Variants in GHR observed in about 807,000 individuals in gnomAD.
The protein encoded by GHR is GH receptor.
Under a neutral mutation model 67.1 loss-of-function variants are expected in GHR, and 35 were observed. That is an observed-to-expected ratio of 0.52 (90% CI 0.40 to 0.69). GHR has a LOEUF of 0.69. GHR is among the 30% of genes least tolerant of loss of function. The pLI, the probability that GHR is intolerant of heterozygous loss-of-function variation, is 0.00. For synonymous variants in GHR, 272 were observed against 269.1 expected (o/e 1.01, Z -0.10); for missense variants, 792 against 764.6 (o/e 1.04, Z -0.42).
chr5:42,475,594 T>G (rs1745269407), intron 1 of GHR, among the ~76,000 whole-genome samples: 1 of 151,966 alleles, frequency 6.6e-6, no homozygotes, highest in African/African-American at 2.4e-5. Flanking sequence ...ATGTATTTTT[T>G]TTTTTTCTTA....
At chr5:42,468,877 C>A (rs1437000876) in intron 1 of GHR, 2 of 809,760 alleles carry the variant, frequency 2.5e-6, no homozygotes, top group South Asian at 2.1e-5. Context: ...GATGGTTGCT[C>A]GGCGGCACAT....
At chr5:42,506,152 T>C (rs750175886) in intron 1 of GHR, among the ~76,000 whole-genome samples, 3 of 152,208 alleles carry the variant, frequency 2.0e-5, no homozygotes, top group Non-Finnish European at 2.9e-5. Context: ...GATAACCTTG[T>C]CTTGTTTCCT....
At chr5:42,498,360 G>A (rs948425867) in intron 1 of GHR, among the ~76,000 whole-genome samples, 3 of 152,168 alleles carry the variant, frequency 2.0e-5, no homozygotes, top group Admixed American at 2.0e-4. Flanking sequence ...AAGGGAGAAA[G>A]GGATGATTTA....
intron 6 of GHR, among the ~76,000 whole-genome samples, chr5:42,704,844 G>T (rs1305421541): frequency 2.0e-5 from 3 of 151,712 alleles, no homozygotes; most frequent in African/African-American, 7.3e-5. Context: ...TATTTCTATG[G>T]TATTGGTTGT....
intron 2 of GHR, among the ~76,000 whole-genome samples, chr5:42,626,602 G>T (rs1451032177): frequency 6.6e-6 from 1 of 152,108 alleles, no homozygotes; most frequent in African/African-American, 2.4e-5. Flanking sequence ...GGGCTGAAGT[G>T]TCTCAACCTC....
chr5:42,684,770 G>T (rs555454843), intron 3 of GHR, among the ~76,000 whole-genome samples: 1 of 152,108 alleles, frequency 6.6e-6, no homozygotes, highest in East Asian at 1.9e-4. Context: ...CAATATGACC[G>T]TGGAATTTGA....
intron 1 of GHR, among the ~76,000 whole-genome samples, chr5:42,429,634 A>G (rs1743003634): frequency 6.6e-6 from 1 of 152,216 alleles, no homozygotes; most frequent in African/African-American, 2.4e-5. Flanking sequence ...ACATTTTTTC[A>G]TGCCTGAATG....
chr5:42,634,134 T>A (rs997785527), intron 3 of GHR, among the ~76,000 whole-genome samples: 1 of 152,120 alleles, frequency 6.6e-6, no homozygotes. Flanking sequence ...TTGTCTTTTT[T>A]TTTTCATCTC....
intron 2 of GHR, among the ~76,000 whole-genome samples, chr5:42,623,206 C>T (rs143665240): frequency 6.6e-6 from 1 of 152,198 alleles, no homozygotes; most frequent in African/African-American, 2.4e-5. Context: ...TTTACTCTCT[C>T]AATTTTAAAC....
intron 4 of GHR, among the ~76,000 whole-genome samples, chr5:42,690,983 A>G (rs1579618072): frequency 1.3e-5 from 2 of 152,202 alleles, no homozygotes; most frequent in African/African-American, 2.4e-5. Flanking sequence ...TGCTACCTCA[A>G]TATTTACCAA....
At chr5:42,575,700 T>G (rs1750619769) in intron 2 of GHR, among the ~76,000 whole-genome samples, 1 of 149,100 alleles carries the variant, frequency 6.7e-6, no homozygotes. Context: ...GTCCTGGGTG[T>G]GGGAGTGAAA....
chr5:42,604,713 A>T (rs1752538872), intron 2 of GHR, among the ~76,000 whole-genome samples: 1 of 144,810 alleles, frequency 6.9e-6, no homozygotes, highest in East Asian at 2.0e-4. Context: ...ACACCCCTCT[A>T]TTTTTTTTTT....
chr5:42,615,263 A>G (rs1753086651), intron 2 of GHR, among the ~76,000 whole-genome samples: 2 of 151,968 alleles, frequency 1.3e-5, no homozygotes, highest in Non-Finnish European at 2.9e-5. Flanking sequence ...TAGCTTTACC[A>G]GCGACCTATA....
chr5:42,446,294 T>A (rs1319737208), intron 1 of GHR, among the ~76,000 whole-genome samples: 1 of 152,142 alleles, frequency 6.6e-6, no homozygotes, highest in Non-Finnish European at 1.5e-5. Context: ...AGCTGATTCT[T>A]AAAAGTTCTG....
intron 1 of GHR, among the ~76,000 whole-genome samples, chr5:42,438,961 T>A (rs1329637533): frequency 6.6e-6 from 1 of 152,222 alleles, no homozygotes; most frequent in Non-Finnish European, 1.5e-5. Flanking sequence ...AGATAAATAA[T>A]GCAGCCTAAC....
At chr5:42,690,417 A>G (rs1358324059) in intron 4 of GHR, among the ~76,000 whole-genome samples, 1 of 152,200 alleles carries the variant, frequency 6.6e-6, no homozygotes, top group Non-Finnish European at 1.5e-5. Flanking sequence ...CATGAAAAAT[A>G]CTTGGCAGAG....
chr5:42,562,910 A>C (rs1412117969), intron 1 of GHR, among the ~76,000 whole-genome samples: 1 of 152,026 alleles, frequency 6.6e-6, no homozygotes, highest in Non-Finnish European at 1.5e-5. Flanking sequence ...CGGCCCCCCA[A>C]AGTGCTGGGA....
chr5:42,681,246 A>T (rs1756850549), intron 3 of GHR, among the ~76,000 whole-genome samples: 1 of 140,170 alleles, frequency 7.1e-6, no homozygotes, highest in Non-Finnish European at 1.5e-5. Flanking sequence ...ATCTACAAAG[A>T]ACTTCAATAA....
intron 1 of GHR, among the ~76,000 whole-genome samples, chr5:42,433,632 T>A (rs1235121991): frequency 6.6e-6 from 1 of 151,880 alleles, no homozygotes; most frequent in Non-Finnish European, 1.5e-5. Flanking sequence ...CTATAAATGC[T>A]ACATTTATTT....
Sources: gnomAD v4.1 joint callset for allele counts (sites outside exome capture counted in the v4.1 genomes callset) on GRCh38, gnomAD v4.1.1 for gene constraint, MANE v1.5 for transcripts, NCBI Gene and HGNC (gene_info 2026-07-23, HGNC 2026-07-21) for gene names.